The following PTPRK variants were observed in gnomAD, a reference collection of about 807,000 sequenced individuals.
PTPRK encodes receptor-type tyrosine-protein phosphatase kappa.
A neutral mutation model predicts 178.0 loss-of-function variants in PTPRK; 75 were observed. The observed-to-expected ratio is 0.42, with a 90% CI of 0.35 to 0.51. The LOEUF (loss-of-function observed/expected upper bound fraction) is 0.51, where lower values mean the gene tolerates loss of function less well. PTPRK is among the 20% of genes least tolerant of loss of function. PTPRK has a pLI of 0.02. For synonymous variants in PTPRK, 637 were observed against 620.6 expected, an observed-to-expected ratio of 1.03 and a Z score of -0.39; for missense variants, 1,441 against 1,797.8, an observed-to-expected ratio of 0.80 and a Z score of 3.59.
At chr6:128,356,180 C>A (rs1833936142) in intron 2 of PTPRK, among the ~76,000 whole-genome samples, 1 of 151,924 alleles carries the variant, frequency 6.6e-6, no homozygotes, top group African/African-American at 2.4e-5. Context: ...ATCAATTAAA[C>A]CCCTCTTCTC....
intron 1 of PTPRK, among the ~76,000 whole-genome samples, chr6:128,492,105 G>T (rs1853886296): frequency 6.6e-6 from 1 of 152,082 alleles, no homozygotes; most frequent in African/African-American, 2.4e-5. Flanking sequence ...TCATGATCTA[G>T]TCCCAACAAA....
chr6:128,140,487 A>G (rs1467921438), intron 7 of PTPRK, among the ~76,000 whole-genome samples: 1 of 151,998 alleles, frequency 6.6e-6, no homozygotes, highest in East Asian at 1.9e-4. Context: ...GAATTGTTAT[A>G]GTGTCTTTAG....
chr6:128,173,301 C>T (rs1192696393), intron 7 of PTPRK, among the ~76,000 whole-genome samples: 1 of 151,898 alleles, frequency 6.6e-6, no homozygotes, highest in African/African-American at 2.4e-5. Context: ...AAATAATTAC[C>T]AGTTTCTGCC....
intron 13 of PTPRK, among the ~76,000 whole-genome samples, chr6:128,031,543 T>G (rs1044383080): frequency 2.0e-5 from 3 of 152,224 alleles, no homozygotes; most frequent in African/African-American, 7.2e-5. Context: ...CAGTGTTTCA[T>G]GTAAGAACAG....
At chr6:128,115,157 T>C (rs1182608592) in intron 7 of PTPRK, among the ~76,000 whole-genome samples, 4 of 152,030 alleles carry the variant, frequency 2.6e-5, no homozygotes, top group Non-Finnish European at 4.4e-5. Flanking sequence ...CCCAGCACCA[T>C]ACCCCAAAAT....
intron 1 of PTPRK, among the ~76,000 whole-genome samples, chr6:128,469,912 G>A (rs2128417658): frequency 6.6e-6 from 1 of 152,230 alleles, no homozygotes; most frequent in African/African-American, 2.4e-5. Context: ...GCAAGGAAAT[G>A]GATCTTCCCC....
intron 11 of PTPRK, among the ~76,000 whole-genome samples, chr6:128,074,233 G>A (rs1026867986): frequency 1.3e-5 from 2 of 151,966 alleles, no homozygotes; most frequent in Admixed American, 6.6e-5. Flanking sequence ...GTAGCTTCCT[G>A]CAGCGCAAAA....
chr6:128,520,236 G>A (rs767892099), intron 1 of PTPRK, 23 bp downstream of exon 1: 7 of 1,561,176 alleles, frequency 4.5e-6, no homozygotes, highest in African/African-American at 1.4e-5. Context: ...GGCGTTCGTC[G>A]GGGACGCCCC....
At chr6:128,223,161 A>AT (rs142332840) in intron 5 of PTPRK, among the ~76,000 whole-genome samples, 10,101 of 151,866 alleles carry the variant, frequency 0.067, 894 homozygotes, top group African/African-American at 0.2. Context: ...ATTTATATAT[A>AT]TTTTTTCCTC....
At chr6:128,384,593 G>A (rs932616997) in intron 2 of PTPRK, among the ~76,000 whole-genome samples, 7 of 152,120 alleles carry the variant, frequency 4.6e-5, no homozygotes, top group African/African-American at 1.7e-4. Flanking sequence ...TTTGTTGTGA[G>A]TTACATTCAA....
chr6:128,005,857 T>A, intron 14 of PTPRK, among the ~76,000 whole-genome samples: 1 of 149,690 alleles, frequency 6.7e-6, no homozygotes, highest in Non-Finnish European at 1.5e-5. Context: ...AATATCCCTT[T>A]TTAAAAAGAT....
intron 2 of PTPRK, among the ~76,000 whole-genome samples, chr6:128,395,998 T>G (rs2128367829): frequency 6.6e-6 from 1 of 152,286 alleles, no homozygotes; most frequent in Admixed American, 6.5e-5. Context: ...GAAATGTAAC[T>G]TTTAGGTTTT....
At chr6:128,365,514 T>C (rs982092658) in intron 2 of PTPRK, among the ~76,000 whole-genome samples, 2 of 152,110 alleles carry the variant, frequency 1.3e-5, no homozygotes, top group Non-Finnish European at 2.9e-5. Context: ...TCTTTTATAA[T>C]TGATATGAAG....
chr6:127,973,144 G>A lies in PTPRK; in HGVS notation c.4147C>T (p.Arg1383Ter). Reference sequence around the variant, plus strand: ...CCTATAGCACAGAACATGCCACTTCGCCCGCCACCATTTCTGAAAGCAAAG... The same window carrying A: ...CCTATAGCACAGAACATGCCACTTCACCCGCCACCATTTCTGAAAGCAAAG... ...TIIHCLNGGG[R>*]SGMFCAIGIV... The change falls in exon 29 of 30, where the codon CGA becomes TGA. Residue 1383 changes from arginine to a stop codon, truncating the protein, a stop_gained. Coordinates refer to ENST00000368226, the MANE Select transcript of PTPRK (RefSeq NM_002844.4). LOFTEE classifies it high-confidence loss of function. 2 of 1,607,442 alleles carry A rather than the reference G, an allele frequency of 1.2e-6. No individual in the cohort carries two copies. Among genetic ancestry groups the A allele is most frequent in the Non-Finnish European group, 1.7e-6 (2 of 1,177,944 alleles).
At chr6:128,312,566 T>C (rs1347370407) in intron 3 of PTPRK, among the ~76,000 whole-genome samples, 1 of 152,182 alleles carries the variant, frequency 6.6e-6, no homozygotes, top group East Asian at 1.9e-4. Flanking sequence ...AATGTGGATG[T>C]TTTATCTCTC....
At chr6:128,469,610 C>CT (rs1850343971) in intron 1 of PTPRK, among the ~76,000 whole-genome samples, 1 of 152,154 alleles carries the variant, frequency 6.6e-6, no homozygotes, top group Non-Finnish European at 1.5e-5. Context: ...TTAGATTAGA[C>CT]TTGTGGTAGG....
At chr6:128,041,931 T>C (rs1043065698) in intron 13 of PTPRK, among the ~76,000 whole-genome samples, 5 of 151,930 alleles carry the variant, frequency 3.3e-5, no homozygotes, top group Admixed American at 3.3e-4. Context: ...CTGGAAAGGC[T>C]ACACCTTCAA....
At chr6:128,079,054 T>C (rs1012430614) in intron 10 of PTPRK, 136 bp from the exon 11 acceptor site, 19 of 478,956 alleles carry the variant, frequency 4.0e-5, no homozygotes, top group African/African-American at 3.3e-4. Context: ...TTTTATAGCA[T>C]AACATCTCCA....
At chr6:128,123,004 T>A (rs1033168136) in intron 7 of PTPRK, among the ~76,000 whole-genome samples, 5 of 152,284 alleles carry the variant, frequency 3.3e-5, no homozygotes, top group Middle Eastern at 3.4e-3. Flanking sequence ...AATGGAACTT[T>A]ATTTGGAATA....
Sources: gnomAD v4.1 joint callset for allele counts (sites outside exome capture counted in the v4.1 genomes callset) on GRCh38, gnomAD v4.1.1 for gene constraint, MANE v1.5 for transcripts, NCBI Gene and HGNC (gene_info 2026-07-23, HGNC 2026-07-21) for gene names.